The following SCHIP1 variants were observed in gnomAD, a reference collection of about 807,000 sequenced individuals.
SCHIP1 encodes the protein schwannomin-interacting protein 1.
Under a neutral mutation model 29.7 loss-of-function variants are expected in SCHIP1, and 8 were observed. The observed-to-expected ratio is 0.27, with a 90% confidence interval of 0.16 to 0.49. The LOEUF is 0.49. SCHIP1 is among the 20% of genes least tolerant of loss of function. The pLI, the probability that SCHIP1 is intolerant of heterozygous loss-of-function variation, is 0.99. For missense variants in SCHIP1, 193 were observed against 294.6 expected, an observed-to-expected ratio of 0.66 and a Z score of 2.52; for synonymous variants, 76 against 94.9, an observed-to-expected ratio of 0.80 and a Z score of 1.16.
chr3:159,834,925 C>T (rs953943842), upstream of SCHIP1, among the ~76,000 whole-genome samples: 4 of 152,146 alleles, frequency 2.6e-5, no homozygotes, highest in African/African-American at 9.7e-5. Context: ...CAATTCTGGT[C>T]CCAAGCATTG....
chr3:159,278,471 G>A, the SCHIP1 span, among the ~76,000 whole-genome samples: 5 of 152,074 alleles, frequency 3.3e-5, no homozygotes, highest in Non-Finnish European at 7.4e-5. Context: ...GCATAAAAAA[G>A]AAATGAAAAA....
the SCHIP1 span, among the ~76,000 whole-genome samples, chr3:159,642,463 C>T: frequency 8.1e-3 from 1,229 of 152,190 alleles, 21 homozygotes; most frequent in African/African-American, 0.028. Context: ...CAGCTACATC[C>T]TCCTGTGGCT....
the SCHIP1 span, among the ~76,000 whole-genome samples, chr3:159,597,117 A>C: frequency 6.6e-6 from 1 of 152,154 alleles, no homozygotes; most frequent in African/African-American, 2.4e-5. Flanking sequence ...AATGGGGGAA[A>C]CAAACAGCCC....
chr3:159,738,279 T>G, the SCHIP1 span, among the ~76,000 whole-genome samples: 1 of 151,818 alleles, frequency 6.6e-6, no homozygotes, highest in Non-Finnish European at 1.5e-5. Context: ...GAAATGCAAC[T>G]GGTATATAGA....
the SCHIP1 span, among the ~76,000 whole-genome samples, chr3:159,526,571 C>T: frequency 6.6e-6 from 1 of 152,162 alleles, no homozygotes; most frequent in Non-Finnish European, 1.5e-5. Flanking sequence ...CTGCTGACTC[C>T]AACGCTGACT....
the SCHIP1 span, among the ~76,000 whole-genome samples, chr3:159,304,436 C>T: frequency 5.3e-5 from 8 of 152,108 alleles, no homozygotes; most frequent in African/African-American, 7.2e-5. Context: ...CATTATACTT[C>T]GTTAATATTT....
the SCHIP1 span, among the ~76,000 whole-genome samples, chr3:159,418,671 T>A: frequency 6.6e-6 from 1 of 152,256 alleles, no homozygotes; most frequent in Non-Finnish European, 1.5e-5. Flanking sequence ...TATTTCTGAA[T>A]ACAAGAAGTT....
At chr3:159,859,694 C>T (rs988296167) in intron 1 of SCHIP1, among the ~76,000 whole-genome samples, 5 of 152,226 alleles carry the variant, frequency 3.3e-5, no homozygotes, top group African/African-American at 1.2e-4. Flanking sequence ...CAGAGTCTGG[C>T]CATGCCACAT....
At chr3:159,392,305 C>T in the SCHIP1 span, among the ~76,000 whole-genome samples, 1 of 151,902 alleles carries the variant, frequency 6.6e-6, no homozygotes, top group Non-Finnish European at 1.5e-5. Context: ...CTTGCCAGCA[C>T]TCTTTTTTTC....
At chr3:159,724,086 A>C in the SCHIP1 span, among the ~76,000 whole-genome samples, 3 of 152,116 alleles carry the variant, frequency 2.0e-5, no homozygotes, top group Non-Finnish European at 2.9e-5. Context: ...GATTTCCAGA[A>C]TGGTATTTCA....
chr3:159,298,885 G>A, the SCHIP1 span, among the ~76,000 whole-genome samples: 26 of 152,204 alleles, frequency 1.7e-4, no homozygotes, highest in African/African-American at 6.0e-4. Flanking sequence ...GACATTTTGT[G>A]AAAGTTCATT....
At chr3:159,425,905 A>G in the SCHIP1 span, among the ~76,000 whole-genome samples, 2 of 152,272 alleles carry the variant, frequency 1.3e-5, no homozygotes, top group Non-Finnish European at 2.9e-5. Context: ...AAACTGCTCA[A>G]CTACATGGAA....
chr3:159,679,849 C>G, the SCHIP1 span, among the ~76,000 whole-genome samples: 2 of 152,122 alleles, frequency 1.3e-5, no homozygotes. Context: ...TGTTCTCTCT[C>G]TACTCATCTG....
At chr3:159,441,510 G>A in the SCHIP1 span, among the ~76,000 whole-genome samples, 3 of 152,022 alleles carry the variant, frequency 2.0e-5, no homozygotes, top group African/African-American at 7.2e-5. Flanking sequence ...GGGGGAGGAG[G>A]AGAAGTAGAG....
the SCHIP1 span, among the ~76,000 whole-genome samples, chr3:159,558,568 TC>T: frequency 2.6e-5 from 4 of 152,074 alleles, no homozygotes; most frequent in South Asian, 2.1e-4. Context: ...AAATAATAAA[TC>T]CATGGAGCTG....
At chr3:159,808,670 G>A in the SCHIP1 span, 9 of 152,168 alleles carry the variant, frequency 5.9e-5, no homozygotes, top group African/African-American at 2.2e-4. Context: ...GCGTGGTGGA[G>A]GCAAAGATAT....
chr3:159,867,975 T>TTA (rs199535444), intron 2 of SCHIP1, among the ~76,000 whole-genome samples: 46 of 146,446 alleles, frequency 3.1e-4, no homozygotes, highest in South Asian at 2.1e-3. Context: ...AATCAGTGAT[T>TTA]TATATATATA....
At chr3:159,451,298 A>T in the SCHIP1 span, among the ~76,000 whole-genome samples, 11 of 152,348 alleles carry the variant, frequency 7.2e-5, no homozygotes, top group East Asian at 1.3e-3. Context: ...CTGATGACAC[A>T]TGTCTTTCTA....
the SCHIP1 span, among the ~76,000 whole-genome samples, chr3:159,545,533 C>A: frequency 2.0e-5 from 3 of 151,184 alleles, no homozygotes; most frequent in Non-Finnish European, 1.5e-5. Flanking sequence ...TACTGTAGGG[C>A]CTTGTGACCA....
Sources: gnomAD v4.1 joint callset for allele counts (sites outside exome capture counted in the v4.1 genomes callset) on GRCh38, gnomAD v4.1.1 for gene constraint, MANE v1.5 for transcripts, NCBI Gene and HGNC (gene_info 2026-07-23, HGNC 2026-07-21) for gene names.